NBEA: variants seen among roughly 807,000 people sequenced by gnomAD.
NBEA encodes lysosomal-trafficking regulator 2.
In NBEA, 44 loss-of-function variants were observed where a neutral mutation model predicts 343.4. The ratio of observed to expected loss-of-function variants is 0.13; its 90% CI spans 0.10 to 0.16. NBEA has a LOEUF of 0.16. NBEA is among the 10% of genes least tolerant of loss of function. NBEA has a pLI of 1.00. For missense variants in NBEA, 2,555 were observed against 3,631.3 expected (o/e 0.70, Z 7.62); for synonymous variants, 1,175 against 1,238.7 (o/e 0.95, Z 1.08).
At chr13:35,089,864 A>G (rs2064983580) in intron 10 of NBEA, among the ~76,000 whole-genome samples, 1 of 143,042 alleles carries the variant, frequency 7.0e-6, no homozygotes, top group South Asian at 2.2e-4. Flanking sequence ...GAACAGTGAG[A>G]TCACATGGAC....
chr13:35,452,473 T>G (rs1012520962), intron 40 of NBEA, among the ~76,000 whole-genome samples: 1 of 152,198 alleles, frequency 6.6e-6, no homozygotes, highest in Non-Finnish European at 1.5e-5. Flanking sequence ...GAGCAATTTT[T>G]TATATAGAAG....
intron 34 of NBEA, among the ~76,000 whole-genome samples, chr13:35,283,464 T>C (rs529951047): frequency 2.0e-4 from 31 of 152,280 alleles, no homozygotes; most frequent in African/African-American, 7.2e-4. Context: ...CGTAGGGAAA[T>C]GTGTAATATC....
chr13:35,560,174 AAGTG>A (rs2079795915), intron 44 of NBEA, among the ~76,000 whole-genome samples: 1 of 151,854 alleles, frequency 6.6e-6, no homozygotes, highest in African/African-American at 2.4e-5. Flanking sequence ...TAGGGCTAAT[AAGTG>A]ACACAGTCGG....
intron 34 of NBEA, among the ~76,000 whole-genome samples, chr13:35,283,022 A>G: frequency 6.6e-6 from 1 of 152,132 alleles, no homozygotes; most frequent in Admixed American, 6.6e-5. Flanking sequence ...TGTTAATAAT[A>G]TTGCTGATAA....
chr13:35,388,958 T>G (rs553459066), intron 38 of NBEA, among the ~76,000 whole-genome samples: 113 of 152,188 alleles, frequency 7.4e-4, no homozygotes, highest in African/African-American at 2.6e-3. Context: ...TATATTTCTC[T>G]AAACGTTTAC....
intron 45 of NBEA, among the ~76,000 whole-genome samples, chr13:35,581,764 G>A (rs1168421053): frequency 2.7e-5 from 4 of 148,124 alleles, no homozygotes; most frequent in East Asian, 2.0e-4. Flanking sequence ...GGATAGCATC[G>A]GGAGATATAC....
chr13:35,423,327 T>C (rs1289679578), intron 38 of NBEA, among the ~76,000 whole-genome samples: 1 of 152,200 alleles, frequency 6.6e-6, no homozygotes, highest in African/African-American at 2.4e-5. Flanking sequence ...AATTTTTGTA[T>C]AAGGTGTAAG....
chr13:35,441,149 A>G (rs2045718363), intron 39 of NBEA, among the ~76,000 whole-genome samples: 2 of 152,228 alleles, frequency 1.3e-5, no homozygotes, highest in South Asian at 4.1e-4. Flanking sequence ...CCTGTCTCAA[A>G]AATCTCCTAC....
At chr13:35,298,899 C>T (rs1255472343) in intron 35 of NBEA, among the ~76,000 whole-genome samples, 1 of 151,816 alleles carries the variant, frequency 6.6e-6, no homozygotes, top group Non-Finnish European at 1.5e-5. Flanking sequence ...TTAGTAAGAT[C>T]TTCATAAAAA....
rs555506901 is a variant in NBEA at position 35,630,312 on chromosome 13, G to A, written c.7617+2064G>A. Among the ~76,000 whole-genome samples the A allele has an allele frequency of 5.3e-5, 8 of 152,252 alleles. No individual in the cohort carries two copies. The South Asian group carries it at 1.7e-3, about 32-fold the overall frequency. On this transcript the variant is annotated intron_variant, in intron 49 of 58. Coordinates refer to ENST00000379939, the MANE Select transcript of NBEA (RefSeq NM_001385012.1). ...AAATAACATCATTGCTTTGGACAGT[G>A]AAAGAATTGTGTATAAGGCTTTGTT... is the stretch of plus-strand genomic sequence containing the variant.
chr13:35,389,045 A>T (rs897898543), intron 38 of NBEA, among the ~76,000 whole-genome samples: 25 of 150,414 alleles, frequency 1.7e-4, no homozygotes, highest in Non-Finnish European at 3.0e-5. Context: ...TTTGGTAAAC[A>T]ATTCCTCCCT....
chr13:35,240,652 G>T (rs1267549626), intron 34 of NBEA, among the ~76,000 whole-genome samples: 1 of 150,738 alleles, frequency 6.6e-6, no homozygotes, highest in Non-Finnish European at 1.5e-5. Context: ...GCTTAAAAGA[G>T]ATTTTTTTTT....
At chr13:35,331,497 T>C (rs1310229609) in intron 36 of NBEA, among the ~76,000 whole-genome samples, 1 of 152,038 alleles carries the variant, frequency 6.6e-6, no homozygotes. Context: ...CTGTAATCTA[T>C]ATATAATGAA....
chr13:35,418,227 T>G (rs774127604), intron 38 of NBEA, among the ~76,000 whole-genome samples: 1 of 152,140 alleles, frequency 6.6e-6, no homozygotes, highest in Non-Finnish European at 1.5e-5. Context: ...ATTGGAACAT[T>G]TAGCCCATTT....
chr13:35,213,456 A>C (rs2073898156), intron 33 of NBEA, among the ~76,000 whole-genome samples: 1 of 151,918 alleles, frequency 6.6e-6, no homozygotes, highest in Non-Finnish European at 1.5e-5. Context: ...TATATTTAGA[A>C]TTAGTTTGTC....
intron 33 of NBEA, among the ~76,000 whole-genome samples, chr13:35,230,746 T>C (rs939484247): frequency 5.3e-5 from 8 of 152,032 alleles, no homozygotes; most frequent in African/African-American, 1.9e-4. Flanking sequence ...TTTTGCTTGC[T>C]TCTTTGTTAA....
At chr13:35,150,572 T>C (rs1414181056) in intron 18 of NBEA, among the ~76,000 whole-genome samples, 1 of 152,222 alleles carries the variant, frequency 6.6e-6, no homozygotes, top group African/African-American at 2.4e-5. Context: ...GTTTAATTCA[T>C]CTTGTTAGCA....
chr13:35,097,251 G>A lies in NBEA; in HGVS notation c.1572-1046G>A, dbSNP rs1399931448. On this transcript the variant is annotated intron_variant, in intron 10 of 58. Coordinates refer to ENST00000379939, the MANE Select transcript of NBEA (RefSeq NM_001385012.1). ...TAGAATAACTTCAGATTCCTTTTGGGCTTTAATAATTTTCAAGTTTTCCTT... is the reference window on the plus strand; with the variant it reads ...TAGAATAACTTCAGATTCCTTTTGGACTTTAATAATTTTCAAGTTTTCCTT... Among the ~76,000 whole-genome samples, 6 of 151,786 alleles carry A rather than the reference G, an allele frequency of 4.0e-5. No homozygotes were observed. In the East Asian group the frequency reaches 5.8e-4, roughly 15 times the overall value.
intron 2 of NBEA, among the ~76,000 whole-genome samples, chr13:35,043,017 T>A (rs56386165): frequency 4.0e-5 from 6 of 151,676 alleles, no homozygotes; most frequent in African/African-American, 1.2e-4. Flanking sequence ...TTTTTTCTTT[T>A]AAAAAAAATC....
Sources: gnomAD v4.1 joint callset for allele counts (sites outside exome capture counted in the v4.1 genomes callset) on GRCh38, gnomAD v4.1.1 for gene constraint, MANE v1.5 for transcripts, NCBI Gene and HGNC (gene_info 2026-07-23, HGNC 2026-07-21) for gene names.